RAF1: variants seen among roughly 807,000 people sequenced by gnomAD.
RAF1 encodes the protein RAF proto-oncogene serine/threonine-protein kinase.
A neutral mutation model predicts 81.1 loss-of-function variants in RAF1; 27 were observed. The observed-to-expected ratio is 0.33, with a 90% CI of 0.25 to 0.46. RAF1 has a LOEUF of 0.46. Among genes scored for constraint, RAF1 ranks in the 20% least tolerant of loss-of-function variants. The pLI, the probability that RAF1 is intolerant of heterozygous loss-of-function variation, is 1.00. For synonymous variants in RAF1, 298 were observed against 294.0 expected, an observed-to-expected ratio of 1.01 and a Z score of -0.14; for missense variants, 598 against 826.0, an observed-to-expected ratio of 0.72 and a Z score of 3.38.
intron 1 of RAF1, among the ~76,000 whole-genome samples, chr3:12,654,617 A>G (rs1002292541): frequency 6.6e-6 from 1 of 151,408 alleles, no homozygotes; most frequent in African/African-American, 2.4e-5. Context: ...ACACAAAAAA[A>G]GGGTATGAGT....
intron 1 of RAF1, among the ~76,000 whole-genome samples, chr3:12,625,015 A>G (rs2059662438): frequency 6.6e-6 from 1 of 152,150 alleles, no homozygotes; most frequent in Non-Finnish European, 1.5e-5. Flanking sequence ...ACAAACATAT[A>G]TGTTTATATA....
intron 1 of RAF1, among the ~76,000 whole-genome samples, chr3:12,629,263 G>C (rs2059796239): frequency 6.6e-6 from 1 of 152,058 alleles, no homozygotes; most frequent in Non-Finnish European, 1.5e-5. Context: ...AAGTGTCCAT[G>C]AAAAAACACA....
intron 3 of RAF1, 34 bp from the exon 4 acceptor site, chr3:12,609,369 A>C (rs2125421432): frequency 7.1e-7 from 1 of 1,408,232 alleles, no homozygotes; most frequent in South Asian, 1.2e-5. Context: ...TGAAATGTTT[A>C]AACAAGATCA....
intron 2 of RAF1, among the ~76,000 whole-genome samples, chr3:12,617,891 A>AG (rs1255318142): frequency 2.0e-5 from 3 of 146,538 alleles, no homozygotes; most frequent in South Asian, 4.3e-4. Context: ...AAAAAAAAAA[A>AG]AGAAAAGAAA....
rs758689352 is a variant in RAF1, at chr3:12,604,275, T to C, written c.695A>G (p.Tyr232Cys). The C allele has an allele frequency of 2.5e-6, 4 of 1,614,074 alleles. No homozygotes were observed. In the African/African-American group the frequency reaches 4.0e-5, roughly 16 times the overall value. Residue 232 changes from tyrosine (Y) to cysteine (C), a missense_variant, in exon 7 of 18, where the codon TAT becomes TGT. This residue lies in a region of RAF1 where 194 missense variants were observed against 202.7 expected (regional missense o/e 0.96). Coordinates refer to ENST00000442415, the MANE Select transcript of RAF1 (RefSeq NM_001354689.3). ...AAAGGTGAAGGCGTGAGGTGTAGAA[T>C]ATCTGTGCTGAGAACTAGGAGGAGA...
At chr3:12,628,125 T>C (rs536876807) in intron 1 of RAF1, among the ~76,000 whole-genome samples, 1 of 152,332 alleles carries the variant, frequency 6.6e-6, no homozygotes, top group South Asian at 2.1e-4. Context: ...AAAATTAAAA[T>C]GTTAGAGTGT....
chr3:12,633,934 C>CAAAAAAAAAAAA (rs35322613), intron 1 of RAF1, among the ~76,000 whole-genome samples: 2 of 95,542 alleles, frequency 2.1e-5, no homozygotes, highest in Non-Finnish European at 4.3e-5. Context: ...AAAACTCTCT[C>CAAAAAAAAAAAA]AAAAAAAAAA....
chr3:12,658,497 G>A (rs947384464), intron 1 of RAF1, among the ~76,000 whole-genome samples: 1 of 152,136 alleles, frequency 6.6e-6, no homozygotes, highest in African/African-American at 2.4e-5. Context: ...AGCTACTCAG[G>A]AGGCTGAGGC....
Position 12,606,138 on chromosome 3 carries a change from C to G in RAF1, c.680+63G>C, listed in dbSNP as rs1430374584. The G allele has an allele frequency of 3.1e-6, 4 of 1,288,512 alleles. No individual in the cohort carries two copies. In the East Asian group the frequency reaches 7.1e-5, roughly 23 times the overall value. 79.8% of individuals were successfully genotyped at this position (1,288,512 alleles called of 1,614,324 possible). A position where few individuals can be genotyped will look rare whatever the true frequency, so the allele number is the denominator to read the frequency against. ...CGAAGAAACTCTTATTTTTTGTCTT[C>G]AAGCTTCCAACCCCACCACCCCAAA... On this transcript the variant is annotated intron_variant, in intron 6 of 17. Transcript: ENST00000442415.
chr3:12,598,158 A>G (rs2058741206), intron 11 of RAF1, among the ~76,000 whole-genome samples: 1 of 151,642 alleles, frequency 6.6e-6, no homozygotes, highest in African/African-American at 2.4e-5. Flanking sequence ...AGCTGGGACT[A>G]CAGGCGAGTG....
chr3:12,628,758 G>GC (rs1012563836), intron 1 of RAF1, among the ~76,000 whole-genome samples: 6 of 139,404 alleles, frequency 4.3e-5, no homozygotes, highest in African/African-American at 1.3e-4. Flanking sequence ...TTTTGGGGGG[G>GC]GGGGGTGGCG....
chr3:12,644,207 A>AACTT (rs1311694563), intron 1 of RAF1, among the ~76,000 whole-genome samples: 1 of 152,198 alleles, frequency 6.6e-6, no homozygotes, highest in Non-Finnish European at 1.5e-5. Flanking sequence ...AATTATTAAA[A>AACTT]ACTTACTACC....
At position 12,584,253 on chromosome 3, in the gene RAF1, T is replaced by C. The variant is rs546984460; in HGVS notation, c.*261A>G. ...TACCATCAACATCCACTTGCGCATCTACAGAAGGCTGGGCCTTGAGCATGG... is the reference window on the plus strand; with the variant it reads ...TACCATCAACATCCACTTGCGCATCCACAGAAGGCTGGGCCTTGAGCATGG... On this transcript the variant is annotated 3_prime_UTR_variant, in exon 18 of 18. Transcript: ENST00000442415. The C allele has an allele frequency of 1.5e-5, 8 of 526,248 alleles. No homozygotes were observed. The highest frequency in any genetic ancestry group is 9.5e-5 in the African/African-American group (5 of 52,852). The allele number at this position is 526,248 out of a possible 1,614,324, so 32.6% of individuals were successfully genotyped here. A position where few individuals can be genotyped will look rare whatever the true frequency, so the allele number is the denominator to read the frequency against.
At chr3:12,614,740 A>C (rs906434075) in intron 2 of RAF1, among the ~76,000 whole-genome samples, 6 of 152,056 alleles carry the variant, frequency 3.9e-5, no homozygotes, top group African/African-American at 1.4e-4. Context: ...TATATTTTTT[A>C]ATGTTCCAAA....
At chr3:12,603,618 A>T (rs1000031459) in intron 7 of RAF1, 6 of 629,034 alleles carry the variant, frequency 9.5e-6, no homozygotes, top group African/African-American at 1.8e-5. Context: ...TTAAAGATGA[A>T]GCAGAAAGCA....
At chr3:12,661,108 T>A (rs1055005310) in intron 1 of RAF1, among the ~76,000 whole-genome samples, 2 of 152,212 alleles carry the variant, frequency 1.3e-5, no homozygotes, top group Admixed American at 1.3e-4. Flanking sequence ...TAATCCTGAA[T>A]GTTCTTCAGT....
At position 12,664,069 on chromosome 3, in the gene RAF1, T is replaced by C; in HGVS notation, c.-283A>G. The C allele has an allele frequency of 2.5e-6, 1 of 398,356 alleles. No homozygotes were observed. The allele number at this position is 398,356 out of a possible 1,614,324, so 24.7% of individuals were successfully genotyped here. On this transcript the variant is annotated 5_prime_UTR_variant, in exon 1 of 18. Transcript: ENST00000442415. The stretch of plus-strand genomic sequence containing the variant: ...AAAGCCGTTCCCGCCTCACAATCGT[T>C]TTCCTCTTACTCCCGCCATCTAAGA...
At chr3:12,637,466 C>G (rs921497275) in intron 1 of RAF1, among the ~76,000 whole-genome samples, 3 of 151,372 alleles carry the variant, frequency 2.0e-5, no homozygotes, top group Non-Finnish European at 4.4e-5. Context: ...GGTTTCGACA[C>G]GTTGACCAGG....
At position 12,600,255 on chromosome 3, in the gene RAF1, C is replaced by A. The variant is rs762326811; in HGVS notation, c.947G>T (p.Ser316Ile). 6.2e-7 allele frequency: 1 copy of A among 1,614,116 alleles called. No individual in the cohort carries two copies. The highest frequency in any genetic ancestry group is 2.2e-5 in the East Asian group (1 of 44,884). ...GCCTGTTGGGCTCAGATTGTTGGGG[C>A]TACTGGACAGGGCTGAAGGTGAGGC... Residue 316 changes from serine to isoleucine, a missense_variant, in exon 10 of 18, where the codon AGC becomes ATC. This residue lies in a region of RAF1 where 194 missense variants were observed against 202.7 expected (regional missense o/e 0.96). Coordinates refer to ENST00000442415, the MANE Select transcript of RAF1 (RefSeq NM_001354689.3).
Sources: gnomAD v4.1 joint callset for allele counts (sites outside exome capture counted in the v4.1 genomes callset) on GRCh38, gnomAD v4.1.1 for gene constraint, gnomAD v4.1.1 regional missense constraint, MANE v1.5 for transcripts, NCBI Gene and HGNC (gene_info 2026-07-23, HGNC 2026-07-21) for gene names.